The following OSBPL6 variants were observed in gnomAD, a reference collection of about 807,000 sequenced individuals.
The protein encoded by OSBPL6 is oxysterol binding protein like 6, also known as oxysterol-binding protein-related protein 6.
A neutral mutation model predicts 125.8 loss-of-function variants in OSBPL6; 49 were observed. The observed-to-expected ratio is 0.39, with a 90% CI of 0.31 to 0.49. OSBPL6 has a LOEUF of 0.49. OSBPL6 is among the 20% of genes least tolerant of loss of function. The pLI, the probability that OSBPL6 is intolerant of heterozygous loss-of-function variation, is 0.88. For synonymous variants in OSBPL6, 394 were observed against 391.8 expected (o/e 1.01, Z -0.07); for missense variants, 986 against 1,135.4 (o/e 0.87, Z 1.89).
At chr2:178,243,142 G>A (rs2091355909) in intron 1 of OSBPL6, among the ~76,000 whole-genome samples, 1 of 152,122 alleles carries the variant, frequency 6.6e-6, no homozygotes, top group African/African-American at 2.4e-5. Flanking sequence ...AGTTAAGAAT[G>A]AGCACTGTTC....
At chr2:178,229,121 C>T (rs2090702950) in intron 1 of OSBPL6, among the ~76,000 whole-genome samples, 1 of 152,108 alleles carries the variant, frequency 6.6e-6, no homozygotes, top group Non-Finnish European at 1.5e-5. Context: ...CAAGGGGTGG[C>T]CCCGCCTTAT....
intron 1 of OSBPL6, among the ~76,000 whole-genome samples, chr2:178,220,189 C>T (rs557301672): frequency 3.9e-5 from 6 of 152,096 alleles, no homozygotes; most frequent in Admixed American, 6.5e-5. Flanking sequence ...CTTTAGACAT[C>T]GAGTTCCATT....
In OSBPL6 at chr2:178,356,297, T is replaced by A. The variant is rs891188003; in HGVS notation, c.1154-5385T>A. Reference sequence around the variant, plus strand: ...CAATTAGGAAAAGAGGAAGTCAAATTGTCCCTGTTTGCAGATGACATGATT... The same window carrying A: ...CAATTAGGAAAAGAGGAAGTCAAATAGTCCCTGTTTGCAGATGACATGATT... On this transcript the variant is annotated intron_variant, in intron 12 of 24. Coordinates refer to ENST00000190611, the MANE Select transcript of OSBPL6 (RefSeq NM_032523.4). 2.6e-4 allele frequency among the ~76,000 whole-genome samples: 39 copies of A among 152,298 alleles called. 1 individual carries two copies. The highest frequency in any genetic ancestry group is 4.6e-4 in the Admixed American group (7 of 15,294).
At chr2:178,340,188 C>A (rs991130557) in intron 11 of OSBPL6, among the ~76,000 whole-genome samples, 1 of 151,962 alleles carries the variant, frequency 6.6e-6, no homozygotes, top group Non-Finnish European at 1.5e-5. Context: ...GTAGGAGGTT[C>A]AATAGATTAG....
At chr2:178,339,123 G>A (rs1299374522) in intron 10 of OSBPL6, 29 bp downstream of exon 10, 10 of 1,414,518 alleles carry the variant, frequency 7.1e-6, no homozygotes, top group Non-Finnish European at 9.9e-6. Flanking sequence ...CTGGTAAAAG[G>A]ACTTAGGGTA....
At chr2:178,382,556 C>T (rs768316384) in intron 16 of OSBPL6, 49 bp downstream of exon 16, 1 of 1,611,586 alleles carries the variant, frequency 6.2e-7, no homozygotes, top group East Asian at 2.2e-5. Context: ...TGCCAAATTG[C>T]AACACGAAGA....
At chr2:178,204,675 C>T (rs1299434572) in intron 1 of OSBPL6, among the ~76,000 whole-genome samples, 1 of 152,164 alleles carries the variant, frequency 6.6e-6, no homozygotes, top group African/African-American at 2.4e-5. Context: ...AAGGAGAAGT[C>T]CCCCAGATAT....
rs1695675021 is a variant in OSBPL6, at chr2:178,394,416, C to T, written c.2677C>T (p.His893Tyr). The T allele has an allele frequency of 6.2e-7, 1 of 1,609,414 alleles. No individual in the cohort carries two copies. Among genetic ancestry groups the T allele is most frequent in the Admixed American group, 1.7e-5 (1 of 58,628 alleles). ...RRYMEENNLE[H>Y]IPKFFKKVID... The stretch of plus-strand genomic sequence containing the variant: ...ATATATGGAAGAAAACAATCTTGAA[C>T]ATATACCAAAATTTTTTAAGTAAGT... The change falls in exon 24 of 25, where the codon CAT (histidine) becomes TAT (tyrosine). Residue 893 changes from histidine (H) to tyrosine (Y), a missense_variant. By Grantham distance (83) the His-to-Tyr change is moderately conservative (BLOSUM62 2). Transcript: ENST00000190611.
chr2:178,385,345 A>C (rs1306535082), intron 18 of OSBPL6, 113 bp from the exon 19 acceptor site: 2 of 723,164 alleles, frequency 2.8e-6, no homozygotes, highest in African/African-American at 3.5e-5. Flanking sequence ...TTTTTAAAGC[A>C]TGAAGTCTTA....
intron 1 of OSBPL6, among the ~76,000 whole-genome samples, chr2:178,197,120 A>T (rs2088948062): frequency 6.6e-6 from 1 of 151,672 alleles, no homozygotes; most frequent in African/African-American, 2.4e-5. Flanking sequence ...GGTTAATACC[A>T]AGGAATAAAA....
At chr2:178,373,308 A>AAT (rs1421915485) in intron 14 of OSBPL6, among the ~76,000 whole-genome samples, 4 of 148,984 alleles carry the variant, frequency 2.7e-5, no homozygotes, top group Non-Finnish European at 4.4e-5. Flanking sequence ...TGTGCACTAG[A>AAT]ATATATATAT....
intron 1 of OSBPL6, among the ~76,000 whole-genome samples, chr2:178,229,420 A>G (rs779016085): frequency 2.8e-4 from 42 of 152,336 alleles, no homozygotes; most frequent in Non-Finnish European, 4.9e-4. Flanking sequence ...ACATTTGGCT[A>G]GTGACCACCA....
rs1695785480 is a variant in OSBPL6, at chr2:178,395,526, G to T, written c.2772G>T (p.Gly924=). 1 of 1,613,652 alleles carries T rather than the reference G, an allele frequency of 6.2e-7. No homozygotes were observed. The change falls in exon 25 of 25, where the codon GGG becomes GGT. Residue 924 remains glycine, a synonymous_variant. Coordinates refer to ENST00000190611, the MANE Select transcript of OSBPL6 (RefSeq NM_032523.4). ...DTYWELRKDP[G]FSKVDSPVLW ...ACTGGGAGCTTCGAAAGGACCCTGG[G>T]TTTAGCAAAGTAGACAGCCCTGTTC...
intron 3 of OSBPL6, chr2:178,320,239 G>T (rs915453408): frequency 1.3e-6 from 2 of 1,594,848 alleles, no homozygotes; most frequent in African/African-American, 2.7e-5. Flanking sequence ...AGTCATGTTG[G>T]CACATTTCCA....
chr2:178,330,655 G>C (rs1689117446), intron 5 of OSBPL6, among the ~76,000 whole-genome samples: 1 of 152,176 alleles, frequency 6.6e-6, no homozygotes, highest in Non-Finnish European at 1.5e-5. Context: ...CCCGAGGCCT[G>C]ACTGCCTGCC....
At chr2:178,240,295 G>A (rs1044935025) in intron 1 of OSBPL6, among the ~76,000 whole-genome samples, 1 of 152,036 alleles carries the variant, frequency 6.6e-6, no homozygotes, top group Non-Finnish European at 1.5e-5. Context: ...GTCTGGGTGC[G>A]GTGGCTCACA....
rs968743301 is a variant in OSBPL6 at position 178,380,005 on chromosome 2, A to G, written c.1534-2415A>G. On this transcript the variant is annotated intron_variant, in intron 15 of 24. Coordinates refer to ENST00000190611, the MANE Select transcript of OSBPL6 (RefSeq NM_032523.4). The stretch of plus-strand genomic sequence containing the variant: ...TTAAAGACAAAGACCAGTTGTTTTT[A>G]TGTACAAATTCAAAATGTTTACATG... 4.6e-5 allele frequency among the ~76,000 whole-genome samples: 7 copies of G among 152,366 alleles called. No individual in the cohort carries two copies. In the East Asian group the frequency reaches 1.2e-3, roughly 25 times the overall value.
At chr2:178,313,645 T>C (rs190863061) in intron 3 of OSBPL6, among the ~76,000 whole-genome samples, 211 of 152,342 alleles carry the variant, frequency 1.4e-3, no homozygotes, top group African/African-American at 4.6e-3. Flanking sequence ...GTTCATCTTC[T>C]TACCAGTTTT....
chr2:178,332,667 C>A lies in OSBPL6; in HGVS notation c.399C>A (p.Ser133Arg). 1 of 1,613,912 alleles carries A rather than the reference C, an allele frequency of 6.2e-7. No homozygotes were observed. The highest frequency in any genetic ancestry group is 8.5e-7 in the Non-Finnish European group (1 of 1,179,832). Residue 133 changes from serine to arginine, a missense_variant, in exon 7 of 25, where the codon AGC becomes AGA. Physicochemically the swap from Ser to Arg is moderately radical, Grantham distance 110 (BLOSUM62 -1). Coordinates refer to ENST00000190611, the MANE Select transcript of OSBPL6 (RefSeq NM_032523.4). ...TTCAGAAAGGAAAGGTCCATGGGAG[C>A]ATAGATGTGGGACTCTCAGTCATGT... ...LDIQKGKVHGSIDVGLSVMSI... is the reference protein window; with the variant it reads ...LDIQKGKVHGRIDVGLSVMSI...
Sources: allele counts gnomAD v4.1 joint callset (sites outside exome capture counted in the v4.1 genomes callset), GRCh38; gene constraint gnomAD v4.1.1; transcripts MANE v1.5; gene names NCBI Gene and HGNC (gene_info 2026-07-23, HGNC 2026-07-21).